AFF3: variants seen among roughly 807,000 people sequenced by gnomAD.
AFF3 encodes the protein AF4/FMR2 family member 3.
In AFF3, 32 loss-of-function variants were observed where a neutral mutation model predicts 129.7. That is an observed-to-expected ratio of 0.25 (90% CI 0.19 to 0.33). AFF3 has a LOEUF of 0.33. AFF3 is among the 10% of genes least tolerant of loss of function. The pLI is 1.00. For missense variants in AFF3, 1,373 were observed against 1,592.0 expected (o/e 0.86, Z 2.34); for synonymous variants, 644 against 635.4 (o/e 1.01, Z -0.20).
chr2:99,914,968 C>T (rs1055648608), intron 7 of AFF3, among the ~76,000 whole-genome samples: 2 of 151,912 alleles, frequency 1.3e-5, no homozygotes, highest in Non-Finnish European at 2.9e-5. Context: ...ATGCCTGCAA[C>T]TTACTCTCTG....
At chr2:99,884,653 C>T (rs929278969) in intron 7 of AFF3, among the ~76,000 whole-genome samples, 4 of 152,216 alleles carry the variant, frequency 2.6e-5, no homozygotes, top group Non-Finnish European at 5.9e-5. Flanking sequence ...ATCTGCCAGC[C>T]TTGGCCTCCC....
At chr2:100,075,680 T>G (rs2105326053) in intron 4 of AFF3, among the ~76,000 whole-genome samples, 1 of 152,318 alleles carries the variant, frequency 6.6e-6, no homozygotes, top group East Asian at 1.9e-4. Flanking sequence ...AATCTCAAAT[T>G]CTGTATTTTA....
intron 7 of AFF3, among the ~76,000 whole-genome samples, chr2:99,966,689 C>CAAAAAAAAAAAAAAA (rs61351679): frequency 8.2e-5 from 3 of 36,684 alleles, no homozygotes; most frequent in African/African-American, 1.4e-4. Context: ...GACTCCGTCT[C>CAAAAAAAAAAAAAAA]AAAAAAAAAA....
intron 11 of AFF3, among the ~76,000 whole-genome samples, chr2:99,691,384 T>C (rs966797211): frequency 6.6e-6 from 1 of 152,196 alleles, no homozygotes; most frequent in Non-Finnish European, 1.5e-5. Context: ...AGAGTGTTAT[T>C]TTGGAGCATT....
At chr2:99,587,864 G>T (rs1678284608) in intron 15 of AFF3, among the ~76,000 whole-genome samples, 1 of 151,998 alleles carries the variant, frequency 6.6e-6, no homozygotes, top group African/African-American at 2.4e-5. Context: ...CAAAAAATTA[G>T]CCAGGTGTGG....
chr2:100,125,893 A>G (rs931238269), intron 2 of AFF3, among the ~76,000 whole-genome samples: 1 of 152,164 alleles, frequency 6.6e-6, no homozygotes, highest in Admixed American at 6.5e-5. Context: ...TTACACAGGC[A>G]TGGTAGGCCA....
chr2:99,651,292 A>G (rs1201186214), intron 12 of AFF3, among the ~76,000 whole-genome samples: 1 of 152,002 alleles, frequency 6.6e-6, no homozygotes, highest in African/African-American at 2.4e-5. Flanking sequence ...TCTGGGCCCA[A>G]TGAGGCCAAG....
At chr2:99,921,423 T>C (rs759997931) in intron 7 of AFF3, among the ~76,000 whole-genome samples, 3 of 152,084 alleles carry the variant, frequency 2.0e-5, no homozygotes, top group Non-Finnish European at 2.9e-5. Flanking sequence ...GATTGGATCC[T>C]GGAATGAAAC....
Position 99,658,300 on chromosome 2 carries a change from G to T in AFF3, c.1144-8634C>A, listed in dbSNP as rs78113447. Among the ~76,000 whole-genome samples the T allele has an allele frequency of 5.8e-4, 89 of 152,316 alleles. No individual in the cohort carries two copies. In the East Asian group the frequency reaches 0.013, roughly 23 times the overall value. On this transcript the variant is annotated intron_variant, in intron 12 of 24. Coordinates refer to ENST00000672756, the MANE Select transcript of AFF3 (RefSeq NM_001386135.1). ...GGCCCTGAAGGATGCCTGGAGGAGG[G>T]CTGGGGGACACATGCCTGGTGTGGG...
intron 7 of AFF3, among the ~76,000 whole-genome samples, chr2:99,917,891 T>G (rs1011850155): frequency 1.3e-5 from 2 of 152,190 alleles, no homozygotes; most frequent in African/African-American, 2.4e-5. Flanking sequence ...AAAATTCTGT[T>G]GGGTATTTAT....
intron 11 of AFF3, among the ~76,000 whole-genome samples, chr2:99,686,138 C>T (rs1003561195): frequency 5.9e-5 from 9 of 151,926 alleles, no homozygotes; most frequent in Non-Finnish European, 1.0e-4. Context: ...TGCTATGAGC[C>T]GAGATTGCGC....
chr2:100,004,069 C>G (rs1339105593), intron 7 of AFF3, among the ~76,000 whole-genome samples: 2 of 152,096 alleles, frequency 1.3e-5, no homozygotes, highest in Non-Finnish European at 2.9e-5. Context: ...TGCCAAACAG[C>G]TATTTTTGTA....
chr2:99,824,674 A>C (rs1352866054), intron 8 of AFF3, among the ~76,000 whole-genome samples: 1 of 152,208 alleles, frequency 6.6e-6, no homozygotes, highest in Admixed American at 6.5e-5. Flanking sequence ...GTGCTAGCAT[A>C]TGATAATTCC....
chr2:99,887,574 C>T (rs112939506), intron 7 of AFF3, among the ~76,000 whole-genome samples: 62 of 152,232 alleles, frequency 4.1e-4, no homozygotes, highest in African/African-American at 1.4e-3. Flanking sequence ...TAAATATCTG[C>T]GCTGTTTACC....
chr2:99,943,979 A>T (rs1283581472), intron 7 of AFF3, among the ~76,000 whole-genome samples: 1 of 152,006 alleles, frequency 6.6e-6, no homozygotes, highest in Non-Finnish European at 1.5e-5. Flanking sequence ...CACGGCTCAC[A>T]GCCTCGACCT....
chr2:99,631,385 TGTTCA>T (rs1442929742), intron 13 of AFF3, among the ~76,000 whole-genome samples: 2 of 152,340 alleles, frequency 1.3e-5, no homozygotes, highest in Non-Finnish European at 2.9e-5. Flanking sequence ...CAATTTTAAG[TGTTCA>T]GTTCAGTAGT....
chr2:99,996,088 A>C (rs1339930334), intron 7 of AFF3, among the ~76,000 whole-genome samples: 1 of 152,236 alleles, frequency 6.6e-6, no homozygotes, highest in African/African-American at 2.4e-5. Context: ...AAAACAGCTT[A>C]GATAACCAAC....
chr2:100,006,837 T>C lies in AFF3; in HGVS notation c.668A>G (p.Lys223Arg). The C allele has an allele frequency of 6.2e-7, 1 of 1,614,162 alleles. No homozygotes were observed. The highest frequency in any genetic ancestry group is 8.5e-7 in the Non-Finnish European group (1 of 1,180,024). ...VQNFPPSLASKPSLVQQKPTA... is the reference protein window; with the variant it reads ...VQNFPPSLASRPSLVQQKPTA... ...CGGTTTCTGCTGGACCAGGCTGGGT[T>C]TTGAAGCTAGGGATGGAGGAAAGTT... is the stretch of plus-strand genomic sequence containing the variant. Residue 223 changes from lysine (K) to arginine (R), a missense_variant, in exon 7 of 25, where the codon AAA (lysine) becomes AGA (arginine). Transcript: ENST00000672756.
intron 8 of AFF3, among the ~76,000 whole-genome samples, chr2:99,828,836 T>TAC (rs922577743): frequency 1.3e-5 from 2 of 152,104 alleles, no homozygotes; most frequent in Non-Finnish European, 2.9e-5. Flanking sequence ...GCACAAGAAT[T>TAC]ACACACACAC....
Sources: allele counts gnomAD v4.1 joint callset (sites outside exome capture counted in the v4.1 genomes callset), GRCh38; gene constraint gnomAD v4.1.1; transcripts MANE v1.5; gene names NCBI Gene and HGNC (gene_info 2026-07-23, HGNC 2026-07-21).